The following OSBPL6 variants were observed in gnomAD, a reference collection of about 807,000 sequenced individuals.
OSBPL6 encodes oxysterol binding protein like 6, also known as oxysterol-binding protein-related protein 6.
In OSBPL6, 49 loss-of-function variants were observed where a neutral mutation model predicts 125.8. The observed-to-expected ratio is 0.39, with a 90% CI of 0.31 to 0.49. OSBPL6 has a LOEUF of 0.49. Among genes scored for constraint, OSBPL6 ranks in the 20% least tolerant of loss-of-function variants. OSBPL6 has a pLI of 0.88. For missense variants in OSBPL6, 986 were observed against 1,135.4 expected, an observed-to-expected ratio of 0.87 and a Z score of 1.89; for synonymous variants, 394 against 391.8, an observed-to-expected ratio of 1.01 and a Z score of -0.07.
At chr2:178,388,377 C>T (rs1695122840) in intron 20 of OSBPL6, among the ~76,000 whole-genome samples, 1 of 152,150 alleles carries the variant, frequency 6.6e-6, no homozygotes, top group Non-Finnish European at 1.5e-5. Flanking sequence ...ACCTGGAATC[C>T]TGCGGTGGCC....
At chr2:178,381,410 A>G (rs1196828076) in intron 15 of OSBPL6, among the ~76,000 whole-genome samples, 1 of 151,984 alleles carries the variant, frequency 6.6e-6, no homozygotes, top group South Asian at 2.1e-4. Flanking sequence ...CTAGAGTGCA[A>G]TGTCACGATC....
At chr2:178,391,959 G>A (rs1050430486) in intron 22 of OSBPL6, among the ~76,000 whole-genome samples, 7 of 152,322 alleles carry the variant, frequency 4.6e-5, no homozygotes, top group Admixed American at 3.3e-4. Context: ...ACGTCAATGA[G>A]CAAGACATAC....
intron 1 of OSBPL6, among the ~76,000 whole-genome samples, chr2:178,276,537 T>G (rs968922828): frequency 1.3e-5 from 2 of 152,010 alleles, no homozygotes; most frequent in Admixed American, 1.3e-4. Context: ...CACACCCAGC[T>G]AATTTTTGTA....
Position 178,389,071 on chromosome 2 carries a change from G to A in OSBPL6, c.2219G>A (p.Arg740Lys), listed in dbSNP as rs1695183994. The A allele has an allele frequency of 1.9e-6, 3 of 1,613,964 alleles. No homozygotes were observed. The highest frequency in any genetic ancestry group is 2.5e-6 in the Non-Finnish European group (3 of 1,179,902). The change falls in exon 21 of 25, where the codon AGA (arginine) becomes AAA (lysine). Residue 740 changes from arginine to lysine, a missense_variant. Arg to Lys is a conservative substitution (Grantham distance 26, BLOSUM62 2). Around this residue, in one of 3 missense-constraint regions of OSBPL6, gnomAD observed 843 missense variants for 997.3 expected, o/e 0.85. Transcript: ENST00000190611. Reference protein sequence around the residue: ...TTCIHNILSGRRWIEHYGEVT... With the variant: ...TTCIHNILSGKRWIEHYGEVT... ...TGCATACACAACATCCTCAGTGGGA[G>A]AAGATGGATAGAACATTATGGAGAA...
At chr2:178,321,674 C>T (rs1688256521) in intron 3 of OSBPL6, among the ~76,000 whole-genome samples, 1 of 152,118 alleles carries the variant, frequency 6.6e-6, no homozygotes, top group South Asian at 2.1e-4. Flanking sequence ...AAGCTAGTTA[C>T]AATTACAATA....
At chr2:178,316,662 A>G (rs909037786) in intron 3 of OSBPL6, among the ~76,000 whole-genome samples, 4 of 152,224 alleles carry the variant, frequency 2.6e-5, no homozygotes, top group Non-Finnish European at 5.9e-5. Context: ...AACAATCAAA[A>G]TAATGCAAAT....
chr2:178,371,856 A>G (rs1693421796), intron 13 of OSBPL6, among the ~76,000 whole-genome samples: 2 of 152,176 alleles, frequency 1.3e-5, no homozygotes, highest in Admixed American at 1.3e-4. Context: ...ACTCTAAAGG[A>G]AAGAAAATTT....
chr2:178,364,607 A>C (rs944339184), intron 13 of OSBPL6, among the ~76,000 whole-genome samples: 1 of 152,188 alleles, frequency 6.6e-6, no homozygotes, highest in Non-Finnish European at 1.5e-5. Context: ...TTTTGCTTGG[A>C]TAACTGGGTA....
At chr2:178,214,645 A>G (rs970445542) in intron 1 of OSBPL6, among the ~76,000 whole-genome samples, 1 of 152,180 alleles carries the variant, frequency 6.6e-6, no homozygotes, top group Non-Finnish European at 1.5e-5. Context: ...AGTCACATCT[A>G]CAAAATACTT....
At chr2:178,338,232 C>T (rs1689876409) in intron 9 of OSBPL6, among the ~76,000 whole-genome samples, 1 of 151,988 alleles carries the variant, frequency 6.6e-6, no homozygotes, top group African/African-American at 2.4e-5. Flanking sequence ...CGCACCCAGC[C>T]CAATATTCTT....
intron 1 of OSBPL6, among the ~76,000 whole-genome samples, chr2:178,258,461 A>ATACT (rs1183411486): frequency 6.6e-6 from 1 of 152,194 alleles, no homozygotes; most frequent in African/African-American, 2.4e-5. Flanking sequence ...ATTAAACAGA[A>ATACT]TACTGTACAC....
chr2:178,244,944 A>G (rs1275482451), intron 1 of OSBPL6, among the ~76,000 whole-genome samples: 2 of 152,252 alleles, frequency 1.3e-5, no homozygotes, highest in African/African-American at 4.8e-5. Context: ...TCCGTAATAA[A>G]AAGATTTTGA....
chr2:178,199,144 AT>A (rs2089090037), intron 1 of OSBPL6, among the ~76,000 whole-genome samples: 3 of 152,250 alleles, frequency 2.0e-5, no homozygotes. Flanking sequence ...AGATAGTAAA[AT>A]ATGACCAAAA....
At chr2:178,383,921 A>C in intron 17 of OSBPL6, 118 bp from the exon 18 acceptor site, 3 of 1,180,614 alleles carry the variant, frequency 2.5e-6, no homozygotes, top group Non-Finnish European at 3.6e-6. Flanking sequence ...AGAAAATGCA[A>C]CTGTCATCAA....
At chr2:178,266,113 G>T (rs528602166) in intron 1 of OSBPL6, among the ~76,000 whole-genome samples, 30 of 152,256 alleles carry the variant, frequency 2.0e-4, no homozygotes, top group African/African-American at 7.2e-4. Flanking sequence ...TTTGCTTTAG[G>T]AATTAAGAGG....
intron 3 of OSBPL6, among the ~76,000 whole-genome samples, chr2:178,307,032 G>A (rs573223303): frequency 6.6e-6 from 1 of 152,254 alleles, no homozygotes; most frequent in Admixed American, 6.5e-5. Flanking sequence ...TAGTATCTTG[G>A]TTGTGTAACT....
At chr2:178,384,962 C>T (rs148381274) in intron 18 of OSBPL6, among the ~76,000 whole-genome samples, 150 of 152,102 alleles carry the variant, frequency 9.9e-4, no homozygotes, top group African/African-American at 3.3e-3. Flanking sequence ...TCTTTTCACA[C>T]AGTTAAGAAA....
At chr2:178,248,367 A>G (rs1459879984) in intron 1 of OSBPL6, among the ~76,000 whole-genome samples, 2 of 152,254 alleles carry the variant, frequency 1.3e-5, no homozygotes, top group Admixed American at 1.3e-4. Context: ...ATGATGGTAT[A>G]TGAATATTTA....
rs180683550 is a variant in OSBPL6, at chr2:178,235,953, G to A, written c.-351+41279G>A. On this transcript the variant is annotated intron_variant, in intron 1 of 24. Coordinates refer to ENST00000190611, the MANE Select transcript of OSBPL6 (RefSeq NM_032523.4). ...ATGTCAATTTTTGTTTTATTTTTAC[G>A]TTAGATTCAGGAGGTACATGTGCAG... Among the ~76,000 whole-genome samples the A allele has an allele frequency of 1.6e-4, 24 of 152,174 alleles. No individual in the cohort carries two copies. In the South Asian group the frequency reaches 2.3e-3, roughly 14 times the overall value.
Sources: gnomAD v4.1 joint callset for allele counts (sites outside exome capture counted in the v4.1 genomes callset) on GRCh38, gnomAD v4.1.1 for gene constraint, gnomAD v4.1.1 regional missense constraint, MANE v1.5 for transcripts, NCBI Gene and HGNC (gene_info 2026-07-23, HGNC 2026-07-21) for gene names.